The following UBR7 variants were observed in gnomAD, a reference collection of about 807,000 sequenced individuals.
UBR7 encodes ubiquitin protein ligase E3 component n-recognin 7.
In UBR7, 22 loss-of-function variants were observed where a neutral mutation model predicts 57.0. The ratio of observed to expected loss-of-function variants is 0.39; its 90% CI spans 0.28 to 0.55. The LOEUF is 0.55. Ranked by LOEUF, UBR7 falls within the 20% of genes least tolerant of loss-of-function variation. The probability of loss-of-function intolerance (pLI) is 0.69; values close to 1 mark genes in which losing one functional copy is unlikely to be tolerated. For missense variants in UBR7, 395 were observed against 513.2 expected, an observed-to-expected ratio of 0.77 and a Z score of 2.23; for synonymous variants, 167 against 179.8, an observed-to-expected ratio of 0.93 and a Z score of 0.57.
rs185878348 is a variant in UBR7, at chr14:93,223,632, C to T, written c.1185+1258C>T. On this transcript the variant is annotated intron_variant, in intron 10 of 10. Transcript: ENST00000013070. ...CGTGTTGGGCCTCTTGGTGGTGAAG[C>T]GTGGCTTGGGCTGACGGGCAGGACC... 184 of 1,373,438 alleles carry T rather than the reference C, an allele frequency of 1.3e-4. No individual in the cohort carries two copies. In the African/African-American group the frequency reaches 2.2e-3, roughly 17 times the overall value. The allele number at this position is 1,373,438 out of a possible 1,614,324, so 85.1% of individuals were successfully genotyped here. A position where few individuals can be genotyped will look rare whatever the true frequency, so the allele number is the denominator to read the frequency against.
chr14:93,226,579 AG>A (rs1322275104), intron 10 of UBR7, among the ~76,000 whole-genome samples: 1 of 152,186 alleles, frequency 6.6e-6, no homozygotes, highest in Non-Finnish European at 1.5e-5. Flanking sequence ...TCATGAGGTC[AG>A]GAGATCGAGA....
rs781226798 is a variant in UBR7 at position 93,227,071 on chromosome 14, A to T, written c.*36A>T. The T allele has an allele frequency of 6.7e-7, 1 of 1,502,676 alleles. No individual in the cohort carries two copies. Among genetic ancestry groups the T allele is most frequent in the Non-Finnish European group, 9.2e-7 (1 of 1,082,042 alleles). 93.1% of individuals were successfully genotyped at this position (1,502,676 alleles called of 1,614,324 possible). ...GAAGCTTTCTCATTCAAGCCAATGAAAATGCGCTTCCCATTCTTGGAATAA... is the reference window on the plus strand; with the variant it reads ...GAAGCTTTCTCATTCAAGCCAATGATAATGCGCTTCCCATTCTTGGAATAA... On this transcript the variant is annotated 3_prime_UTR_variant, in exon 11 of 11. Transcript: ENST00000013070.
At position 93,227,212 on chromosome 14, in the gene UBR7, C is replaced by T; in HGVS notation, c.*177C>T. The T allele has an allele frequency of 1.6e-6, 1 of 640,746 alleles. No individual in the cohort carries two copies. The highest frequency in any genetic ancestry group is 2.9e-6 in the Non-Finnish European group (1 of 347,752). 39.7% of individuals were successfully genotyped at this position (640,746 alleles called of 1,614,324 possible). On this transcript the variant is annotated 3_prime_UTR_variant, in exon 11 of 11. Transcript: ENST00000013070. ...ACCGTGTGGATGCTGACTTCACAGC[C>T]AGCGTCCTCTGTGACTCAGCTGATG...
chr14:93,228,550 C>T lies in UBR7; in HGVS notation c.*1515C>T, dbSNP rs536324927. ...AATGGCACAACCATGTTCTTCGGCA[C>T]TCAGGCTCCTAATTGCAGATCCTCA... On this transcript the variant is annotated 3_prime_UTR_variant, in exon 11 of 11. Transcript: ENST00000013070. The T allele has an allele frequency of 1.5e-5, 7 of 454,048 alleles. No individual in the cohort carries two copies. The highest frequency in any genetic ancestry group is 8.0e-5 in the African/African-American group (4 of 50,090). 28.1% of individuals were successfully genotyped at this position (454,048 alleles called of 1,614,324 possible).
Position 93,220,229 on chromosome 14 carries a change from T to TC in UBR7, c.961-20_961-19insC. Reference sequence around the variant, plus strand: ...ATGGGGAAACTCCTCTTTCTTTTTTTTTTTTTTTTTTCCCTAAAGAAAATG... The same window carrying TC: ...ATGGGGAAACTCCTCTTTCTTTTTTTCTTTTTTTTTTTCCCTAAAGAAAATG... On this transcript the variant is annotated intron_variant, in intron 8 of 10. Coordinates refer to ENST00000013070, the MANE Select transcript of UBR7 (RefSeq NM_175748.4). The TC allele has an allele frequency of 2.5e-6, 4 of 1,590,506 alleles. No individual in the cohort carries two copies. The highest frequency in any genetic ancestry group is 3.4e-6 in the Non-Finnish European group (4 of 1,173,786).
In UBR7 at chr14:93,227,435, G is replaced by C. The variant is rs145665789; in HGVS notation, c.*400G>C. The stretch of plus-strand genomic sequence containing the variant: ...ACCTCCTCCGCAGGCATCACGGAAG[G>C]CTCTCTTCCCGTCACCTAGAACCTC... On this transcript the variant is annotated 3_prime_UTR_variant, in exon 11 of 11. Coordinates refer to ENST00000013070, the MANE Select transcript of UBR7 (RefSeq NM_175748.4). 9 of 678,130 alleles carry C rather than the reference G, an allele frequency of 1.3e-5. No homozygotes were observed. Among genetic ancestry groups the C allele is most frequent in the Admixed American group, 4.1e-5 (2 of 49,342 alleles). The allele number at this position is 678,130 out of a possible 1,614,324, so 42.0% of individuals were successfully genotyped here.
chr14:93,223,817 G>A (rs1018735490), intron 10 of UBR7: 38 of 746,162 alleles, frequency 5.1e-5, no homozygotes, highest in Admixed American at 3.0e-4. Context: ...GTAGCACTGG[G>A]TAACAGCGCC....
chr14:93,213,098 A>G (rs569183131), intron 4 of UBR7, among the ~76,000 whole-genome samples: 2 of 152,208 alleles, frequency 1.3e-5, no homozygotes, highest in African/African-American at 4.8e-5. Context: ...GGATTGCGGC[A>G]CTGCACTCCA....
At position 93,220,216 on chromosome 14, in the gene UBR7, CTCTT is replaced by C. The variant is rs781371853; in HGVS notation, c.961-27_961-24del. 57 of 1,531,902 alleles carry C rather than the reference CTCTT, an allele frequency of 3.7e-5. No individual in the cohort carries two copies. In the African/African-American group the frequency reaches 5.2e-4, roughly 14 times the overall value. 94.9% of individuals were successfully genotyped at this position (1,531,902 alleles called of 1,614,324 possible). On this transcript the variant is annotated intron_variant, in intron 8 of 10. Coordinates refer to ENST00000013070, the MANE Select transcript of UBR7 (RefSeq NM_175748.4). ...ATAAACAGTTCTAATGGGGAAACTC[CTCTT>C]TCTTTTTTTTTTTTTTTTTTCCCTA...
At chr14:93,219,140 T>A in intron 7 of UBR7, 72 bp from the exon 8 acceptor site, 1 of 1,541,006 alleles carries the variant, frequency 6.5e-7, no homozygotes. Flanking sequence ...TAAAGAAATC[T>A]CTTTACAAAA....
At chr14:93,223,921 TG>T in intron 10 of UBR7, 1 of 724,812 alleles carries the variant, frequency 1.4e-6, no homozygotes. Flanking sequence ...TGACCCGCGG[TG>T]GGGACTTCTC....
chr14:93,208,768 G>A (rs1894421188), intron 1 of UBR7, among the ~76,000 whole-genome samples: 1 of 151,976 alleles, frequency 6.6e-6, no homozygotes, highest in Non-Finnish European at 1.5e-5. Context: ...CCTTCCTAGA[G>A]GAAGGTAACT....
In UBR7 at chr14:93,209,813, G is replaced by T; in HGVS notation, c.151-11G>T. 1 of 1,613,092 alleles carries T rather than the reference G, an allele frequency of 6.2e-7. No individual in the cohort carries two copies. Among genetic ancestry groups the T allele is most frequent in the Non-Finnish European group, 8.5e-7 (1 of 1,179,494 alleles). ...TACATTAATTCTCTTTTCCATTTTG[G>T]GGGCTTTCAGGGCTCAGTAAAGAGA... is the stretch of plus-strand genomic sequence containing the variant. On this transcript the variant is annotated splice_polypyrimidine_tract_variant and intron_variant, in intron 1 of 10. Coordinates refer to ENST00000013070, the MANE Select transcript of UBR7 (RefSeq NM_175748.4).
rs76118218 is a variant in UBR7 at position 93,225,023 on chromosome 14, C to G, written c.1186-1920C>G. On this transcript the variant is annotated intron_variant, in intron 10 of 10. Coordinates refer to ENST00000013070, the MANE Select transcript of UBR7 (RefSeq NM_175748.4). The stretch of plus-strand genomic sequence containing the variant: ...TGGAGACTTTTACTCAAGGTCTTCA[C>G]AGGTATCTTCAACATCCGGGTCCTT... Among the ~76,000 whole-genome samples, 69 of 152,302 alleles carry G rather than the reference C, an allele frequency of 4.5e-4. 1 individual carries two copies. In the East Asian group the frequency reaches 0.01, roughly 23 times the overall value.
intron 4 of UBR7, among the ~76,000 whole-genome samples, chr14:93,214,398 A>G (rs529428687): frequency 3.9e-5 from 6 of 152,324 alleles, no homozygotes; most frequent in African/African-American, 1.2e-4. Context: ...TCCCCAAAAT[A>G]GTCTATGTCC....
chr14:93,219,430 G>A (rs2140104246), intron 8 of UBR7, 69 bp downstream of exon 8: 2 of 1,583,618 alleles, frequency 1.3e-6, no homozygotes, highest in Non-Finnish European at 8.6e-7. Context: ...AGAACACCTG[G>A]GGAAAACATT....
rs1012595869 is a variant in UBR7 at position 93,227,526 on chromosome 14, C to G, written c.*491C>G. ...AAAGCTTCCTCAAGCCTGGTCTGCT[C>G]CTTCTTTCACGTCCCTGTTTTCTGA... is the stretch of plus-strand genomic sequence containing the variant. On this transcript the variant is annotated 3_prime_UTR_variant, in exon 11 of 11. Transcript: ENST00000013070. The G allele has an allele frequency of 2.9e-6, 2 of 698,494 alleles. No individual in the cohort carries two copies. Among genetic ancestry groups the G allele is most frequent in the Admixed American group, 2.0e-5 (1 of 49,956 alleles). 43.3% of individuals were successfully genotyped at this position (698,494 alleles called of 1,614,324 possible). A position where few individuals can be genotyped will look rare whatever the true frequency, so the allele number is the denominator to read the frequency against.
At chr14:93,223,822 A>G in intron 10 of UBR7, 1 of 746,660 alleles carries the variant, frequency 1.3e-6, no homozygotes, top group Non-Finnish European at 2.4e-6. Context: ...ACTGGGTAAC[A>G]GCGCCCGCGG....
At chr14:93,217,493 TTA>T (rs1215385224) in intron 6 of UBR7, among the ~76,000 whole-genome samples, 1 of 152,196 alleles carries the variant, frequency 6.6e-6, no homozygotes, top group Non-Finnish European at 1.5e-5. Context: ...ATCATTTTTT[TTA>T]TTTCTTCCTC....
Sources: gnomAD v4.1 joint callset for allele counts (sites outside exome capture counted in the v4.1 genomes callset) on GRCh38, gnomAD v4.1.1 for gene constraint, MANE v1.5 for transcripts, NCBI Gene and HGNC (gene_info 2026-07-23, HGNC 2026-07-21) for gene names.